The following RASSF5 variants were observed in gnomAD, a reference collection of about 807,000 sequenced individuals.
RASSF5 encodes the protein ras association domain-containing protein 5.
A neutral mutation model predicts 40.5 loss-of-function variants in RASSF5; 25 were observed. The ratio of observed to expected loss-of-function variants is 0.62; its 90% CI spans 0.45 to 0.86. The LOEUF is 0.86. RASSF5 is among the 40% of genes least tolerant of loss of function. The probability of loss-of-function intolerance (pLI) is 0.00; values close to 1 mark genes in which losing one functional copy is unlikely to be tolerated. For missense variants in RASSF5, 521 were observed against 572.8 expected, an observed-to-expected ratio of 0.91 and a Z score of 0.92; for synonymous variants, 246 against 252.4, an observed-to-expected ratio of 0.97 and a Z score of 0.24.
intron 2 of RASSF5, among the ~76,000 whole-genome samples, chr1:206,569,465 C>T (rs1330586326): frequency 6.6e-6 from 1 of 152,176 alleles, no homozygotes; most frequent in Non-Finnish European, 1.5e-5. Flanking sequence ...AGATGTCAGA[C>T]TCCATTAATC....
chr1:206,523,513 A>G (rs1269738751), intron 1 of RASSF5, among the ~76,000 whole-genome samples: 2 of 101,430 alleles, frequency 2.0e-5, no homozygotes, highest in Non-Finnish European at 3.7e-5. Context: ...TTTATATATT[A>G]TATATTATAT....
intron 2 of RASSF5, among the ~76,000 whole-genome samples, chr1:206,581,502 G>A (rs1668873107): frequency 6.6e-6 from 1 of 152,146 alleles, no homozygotes; most frequent in Admixed American, 6.5e-5. Flanking sequence ...GGGAGGCTGA[G>A]GCAGGAGAAT....
At chr1:206,557,028 C>A (rs1178321744) in intron 2 of RASSF5, 2 of 470,274 alleles carry the variant, frequency 4.3e-6, no homozygotes, top group African/African-American at 2.1e-5. Context: ...TCTTTCCCTG[C>A]ATCCCTTATA....
intron 1 of RASSF5, among the ~76,000 whole-genome samples, chr1:206,532,813 G>C (rs1553398135): frequency 6.6e-6 from 1 of 152,214 alleles, no homozygotes; most frequent in East Asian, 1.9e-4. Context: ...GTTAAATGGA[G>C]AGTTCTATGT....
intron 2 of RASSF5, among the ~76,000 whole-genome samples, chr1:206,577,443 A>G (rs1428329154): frequency 1.3e-5 from 2 of 152,114 alleles, no homozygotes; most frequent in African/African-American, 4.8e-5. Context: ...CCATTATCTC[A>G]TTTGATTTTT....
rs879991792 is a variant in RASSF5, at chr1:206,535,610, T to G, written c.458-2562T>G. Among the ~76,000 whole-genome samples the G allele has an allele frequency of 1.2e-4, 18 of 152,128 alleles. No individual in the cohort carries two copies. Among genetic ancestry groups the G allele is most frequent in the Admixed American group, 2.6e-4 (4 of 15,268 alleles). ...GTCTTTGGTGCTCAAACATGCTTCT[T>G]ATAAAATCCCAGAACACTTCTCAGA... On this transcript the variant is annotated intron_variant, in intron 1 of 5. Transcript: ENST00000579436. The surrounding 1 kb of genome is among the most constrained non-coding windows in gnomAD (Gnocchi z 5.0).
chr1:206,548,100 G>A (rs1667742517), intron 2 of RASSF5, among the ~76,000 whole-genome samples: 1 of 151,980 alleles, frequency 6.6e-6, no homozygotes, highest in South Asian at 2.1e-4. Flanking sequence ...CTCCTCACTT[G>A]CATTATTTCT....
Position 206,584,481 on chromosome 1 carries a change from A to G in RASSF5, c.785A>G (p.Tyr262Cys). The change falls in exon 4 of 6, where the codon TAT (tyrosine) becomes TGT (cysteine). Residue 262 changes from tyrosine (Y) to cysteine (C), a missense_variant. Around this residue, in one of 2 missense-constraint regions of RASSF5, gnomAD observed 284 missense variants for 360.8 expected, o/e 0.79. Transcript: ENST00000579436. This position sits in a 1 kb window ranked among gnomAD's most constrained non-coding sequence, Gnocchi z 4.9. ...GCTGGGATCCGGCCCCAGTCCATCT[A>G]TGATGCCATCAAGGAGGTGAACCTG... The part of the protein sequence containing the change: ...VPAGIRPQSI[Y>C]DAIKEVNLAA... 3 of 1,614,050 alleles carry G rather than the reference A, an allele frequency of 1.9e-6. No homozygotes were observed. Among genetic ancestry groups the G allele is most frequent in the Non-Finnish European group, 2.5e-6 (3 of 1,180,002 alleles).
intron 1 of RASSF5, among the ~76,000 whole-genome samples, chr1:206,519,778 G>A (rs1169531605): frequency 1.3e-5 from 2 of 152,126 alleles, no homozygotes; most frequent in African/African-American, 4.8e-5. Context: ...TGAAAAATAC[G>A]ATTTTTCTGA....
chr1:206,564,922 G>T (rs1668244912), intron 2 of RASSF5, among the ~76,000 whole-genome samples: 1 of 152,164 alleles, frequency 6.6e-6, no homozygotes, highest in Admixed American at 6.5e-5. Context: ...TCTGTTCACA[G>T]AAGGCTTCTG....
chr1:206,576,301 G>A (rs1572358164), intron 2 of RASSF5, among the ~76,000 whole-genome samples: 1 of 152,320 alleles, frequency 6.6e-6, no homozygotes, highest in East Asian at 1.9e-4. Context: ...TGCTGCAATG[G>A]GAATCTGAGG....
At chr1:206,561,956 C>T (rs1450539980) in intron 2 of RASSF5, among the ~76,000 whole-genome samples, 1 of 151,944 alleles carries the variant, frequency 6.6e-6, no homozygotes, top group Admixed American at 6.5e-5. Context: ...GAGTGAGCCA[C>T]CGCACCCGGC....
chr1:206,580,271 C>A (rs1668818117), intron 2 of RASSF5, among the ~76,000 whole-genome samples: 2 of 152,222 alleles, frequency 1.3e-5, no homozygotes, highest in Non-Finnish European at 1.5e-5. Context: ...AGCACAGCTG[C>A]CTTTTCTTAC....
At chr1:206,581,672 G>GGAAAGAAA (rs139599723) in intron 2 of RASSF5, among the ~76,000 whole-genome samples, 7,607 of 151,366 alleles carry the variant, frequency 0.05, 688 homozygotes, top group African/African-American at 0.18. Context: ...AAGGAAGGAA[G>GGAAAGAAA]GAAAGAAAGA....
intron 2 of RASSF5, among the ~76,000 whole-genome samples, chr1:206,561,483 C>T (rs1326250679): frequency 2.0e-5 from 3 of 152,024 alleles, no homozygotes; most frequent in African/African-American, 7.2e-5. Flanking sequence ...AGCAGGTAGT[C>T]CCTGTAATCT....
intron 2 of RASSF5, among the ~76,000 whole-genome samples, chr1:206,582,609 T>C (rs1006253768): frequency 5.3e-5 from 8 of 152,254 alleles, no homozygotes; most frequent in South Asian, 4.1e-4. Context: ...TCCTCTTTTA[T>C]GGTAGAGGGG....
At chr1:206,557,541 C>T in intron 2 of RASSF5, 1 of 1,611,978 alleles carries the variant, frequency 6.2e-7, no homozygotes, top group Non-Finnish European at 8.5e-7. Flanking sequence ...CCCCTTGATG[C>T]GCTGGCGGCC....
At chr1:206,536,292 G>C (rs1295051618) in intron 1 of RASSF5, among the ~76,000 whole-genome samples, 1 of 152,198 alleles carries the variant, frequency 6.6e-6, no homozygotes, top group Non-Finnish European at 1.5e-5. Context: ...GGGAGGCGTA[G>C]AGAAGCGTGG....
At chr1:206,522,428 G>A (rs1666931243) in intron 1 of RASSF5, among the ~76,000 whole-genome samples, 1 of 152,128 alleles carries the variant, frequency 6.6e-6, no homozygotes. Flanking sequence ...TCTCTGCATG[G>A]CCATACCCTA....
Sources: gnomAD v4.1 joint callset for allele counts (sites outside exome capture counted in the v4.1 genomes callset) on GRCh38, gnomAD v4.1.1 for gene constraint, gnomAD v4.1.1 regional missense constraint, Gnocchi (gnomAD v3.1) non-coding constraint, MANE v1.5 for transcripts, NCBI Gene and HGNC (gene_info 2026-07-23, HGNC 2026-07-21) for gene names.